BIRC6: variants seen among roughly 807,000 people sequenced by gnomAD.
BIRC6 encodes dual E2 ubiquitin-conjugating enzyme/E3 ubiquitin-protein ligase BIRC6.
Under a neutral mutation model 503.3 loss-of-function variants are expected in BIRC6, and 98 were observed. That is an observed-to-expected ratio of 0.19 (90% CI 0.17 to 0.23). The LOEUF (loss-of-function observed/expected upper bound fraction) is 0.23. Among genes scored for constraint, BIRC6 ranks in the 10% least tolerant of loss-of-function variants. The pLI is 1.00. For missense variants in BIRC6, 5,360 were observed against 5,806.0 expected (o/e 0.92, Z 2.50); for synonymous variants, 2,240 against 2,078.7 (o/e 1.08, Z -2.11).
intron 5 of BIRC6, among the ~76,000 whole-genome samples, chr2:32,393,582 G>A (rs1397650754): frequency 6.6e-6 from 1 of 152,150 alleles, no homozygotes; most frequent in Non-Finnish European, 1.5e-5. Flanking sequence ...CATGATCACA[G>A]CTCACTGTGC....
intron 53 of BIRC6, among the ~76,000 whole-genome samples, chr2:32,511,816 T>C (rs1208817963): frequency 3.3e-5 from 5 of 152,136 alleles, no homozygotes; most frequent in Admixed American, 1.3e-4. Flanking sequence ...TTAATATCTT[T>C]ATAAATTATT....
At chr2:32,481,276 AT>A in intron 37 of BIRC6, 43 bp from the exon 38 acceptor site, 1 of 1,437,350 alleles carries the variant, frequency 7.0e-7, no homozygotes, top group South Asian at 1.6e-5. Context: ...TCTAAATTTT[AT>A]GTGATACACT....
chr2:32,446,333 C>G (rs185285738), intron 21 of BIRC6, among the ~76,000 whole-genome samples: 8 of 152,288 alleles, frequency 5.3e-5, no homozygotes, highest in Non-Finnish European at 8.8e-5. Context: ...AACTAGTATT[C>G]TTCTACCTGC....
chr2:32,569,155 A>C (rs2059750245), intron 65 of BIRC6, among the ~76,000 whole-genome samples: 1 of 151,684 alleles, frequency 6.6e-6, no homozygotes, highest in African/African-American at 2.4e-5. Context: ...AGGCCCAGGT[A>C]ATTTTTGTAT....
At chr2:32,555,060 ATACTT>A (rs1448332823) in intron 65 of BIRC6, among the ~76,000 whole-genome samples, 2 of 152,174 alleles carry the variant, frequency 1.3e-5, no homozygotes, top group South Asian at 2.1e-4. Flanking sequence ...ATTTATAAAA[ATACTT>A]TATTTTGTTG....
intron 65 of BIRC6, among the ~76,000 whole-genome samples, chr2:32,559,167 A>T (rs1282111139): frequency 6.6e-6 from 1 of 152,246 alleles, no homozygotes; most frequent in Non-Finnish European, 1.5e-5. Context: ...GTAATGTCAC[A>T]CACCCGCATC....
At chr2:32,427,868 C>T (rs1385009187) in intron 10 of BIRC6, among the ~76,000 whole-genome samples, 2 of 152,064 alleles carry the variant, frequency 1.3e-5, no homozygotes, top group African/African-American at 4.8e-5. Context: ...TATCTCCCTA[C>T]CTTTTGCCAG....
At chr2:32,525,724 G>A in intron 59 of BIRC6, 96 bp downstream of exon 59, 1 of 1,246,140 alleles carries the variant, frequency 8.0e-7, no homozygotes, top group Non-Finnish European at 1.1e-6. Context: ...TTAATCAGGT[G>A]CCATTGATGA....
chr2:32,373,188 C>A (rs1363861382), intron 1 of BIRC6, among the ~76,000 whole-genome samples: 1 of 152,084 alleles, frequency 6.6e-6, no homozygotes, highest in Non-Finnish European at 1.5e-5. Context: ...ATTGCAATTC[C>A]TATCAAAATC....
rs751239589 is a variant in BIRC6, at chr2:32,415,284, C to T, written c.1993C>T (p.Pro665Ser). 6.2e-7 allele frequency: 1 copy of T among 1,613,960 alleles called. No individual in the cohort carries two copies. The highest frequency in any genetic ancestry group is 1.6e-4 in the Middle Eastern group (1 of 6,062). ...KSLHDDGFTV[P>S]QIIEMELDSQ... Reference sequence around the variant, plus strand: ...TTTGCATGATGATGGTTTTACTGTTCCACAGATTATTGAAATGGAGCTGGA... The same window carrying T: ...TTTGCATGATGATGGTTTTACTGTTTCACAGATTATTGAAATGGAGCTGGA... Residue 665 changes from proline (P) to serine (S), a missense_variant, in exon 10 of 74, where the codon CCA (proline) becomes TCA (serine). Around this residue, in one of 16 missense-constraint regions of BIRC6, gnomAD observed 700 missense variants for 739.3 expected, o/e 0.95. Transcript: ENST00000421745.
intron 33 of BIRC6, among the ~76,000 whole-genome samples, chr2:32,474,749 G>T (rs2149068570): frequency 6.6e-6 from 1 of 152,164 alleles, no homozygotes; most frequent in African/African-American, 2.4e-5. Flanking sequence ...TATATTTCTT[G>T]CATACGTTAA....
rs115022730 is a variant in BIRC6 at position 32,369,391 on chromosome 2, T to C, written c.326-8197T>C. ...TTATATTGATTAGTAGCTGAGTTGC[T>C]TCTCACATTGGCACCTTTGTGCAGC... On this transcript the variant is annotated intron_variant, in intron 1 of 73. Coordinates refer to ENST00000421745, the MANE Select transcript of BIRC6 (RefSeq NM_016252.4). Among the ~76,000 whole-genome samples the C allele has an allele frequency of 7.6e-3, 1,152 of 152,258 alleles. 8 individuals are homozygous for C. The highest frequency in any genetic ancestry group is 0.02 in the Middle Eastern group (6 of 294).
rs146310650 is a variant in BIRC6 at position 32,599,142 on chromosome 2, G to C, written c.13831-597G>C. 5.4e-3 allele frequency among the ~76,000 whole-genome samples: 823 copies of C among 151,232 alleles called. 11 individuals are homozygous for C. Among genetic ancestry groups the C allele is most frequent in the African/African-American group, 0.019 (776 of 41,210 alleles). ...TCAGGAGTTCAAGAACAGCCTGGCTGATGTGGTGAAACCTCATCTCTACTA... is the reference window on the plus strand; with the variant it reads ...TCAGGAGTTCAAGAACAGCCTGGCTCATGTGGTGAAACCTCATCTCTACTA... On this transcript the variant is annotated intron_variant, in intron 69 of 73. Coordinates refer to ENST00000421745, the MANE Select transcript of BIRC6 (RefSeq NM_016252.4).
chr2:32,397,693 T>C (rs1372011658), intron 6 of BIRC6, among the ~76,000 whole-genome samples: 2 of 144,652 alleles, frequency 1.4e-5, no homozygotes, highest in African/African-American at 5.2e-5. Flanking sequence ...CATATATATG[T>C]ACACACACAC....
intron 72 of BIRC6, among the ~76,000 whole-genome samples, 153 bp from the exon 73 acceptor site, chr2:32,611,295 A>G (rs13035097): frequency 0.33 from 50,677 of 151,372 alleles, 9,095 homozygotes; most frequent in East Asian, 0.68. Flanking sequence ...AAATGTATTT[A>G]TAATAATATT....
chr2:32,466,408 A>G (rs1009052350), intron 26 of BIRC6, among the ~76,000 whole-genome samples: 1 of 152,230 alleles, frequency 6.6e-6, no homozygotes, highest in Non-Finnish European at 1.5e-5. Flanking sequence ...GGATATGTCT[A>G]TACTGGGAAA....
intron 16 of BIRC6, 67 bp from the exon 17 acceptor site, chr2:32,441,262 A>G: frequency 8.6e-7 from 1 of 1,160,166 alleles, no homozygotes; most frequent in Non-Finnish European, 1.2e-6. Flanking sequence ...TTATTTTATA[A>G]CTTCAATGGT....
chr2:32,478,255 T>G (rs1274940435), intron 35 of BIRC6, among the ~76,000 whole-genome samples: 1 of 152,140 alleles, frequency 6.6e-6, no homozygotes, highest in Non-Finnish European at 1.5e-5. Context: ...GAGAATTGCT[T>G]GAACCTGGGG....
chr2:32,397,616 G>GTA (rs544288777), intron 6 of BIRC6, among the ~76,000 whole-genome samples: 7,822 of 137,368 alleles, frequency 0.057, 378 homozygotes, highest in African/African-American at 0.13. Flanking sequence ...ATATATGTGT[G>GTA]TATATATATA....
Sources: gnomAD v4.1 joint callset for allele counts (sites outside exome capture counted in the v4.1 genomes callset) on GRCh38, gnomAD v4.1.1 for gene constraint, gnomAD v4.1.1 regional missense constraint, MANE v1.5 for transcripts, NCBI Gene and HGNC (gene_info 2026-07-23, HGNC 2026-07-21) for gene names.